The following LPAR1 variants were observed in gnomAD, a reference collection of about 807,000 sequenced individuals.
LPAR1 encodes LPA receptor 1.
LPAR1 carries 5 observed loss-of-function variants against 23.8 expected under a neutral mutation model. The ratio of observed to expected loss-of-function variants is 0.21; its 90% CI spans 0.11 to 0.44. The LOEUF (loss-of-function observed/expected upper bound fraction) is 0.44. Ranked by LOEUF, LPAR1 falls within the 20% of genes least tolerant of loss-of-function variation. The pLI is 0.99. For missense variants in LPAR1, 311 were observed against 482.8 expected (o/e 0.64, Z 3.33); for synonymous variants, 160 against 164.7 (o/e 0.97, Z 0.22).
chr9:110,891,801 A>C (rs1430572174), intron 5 of LPAR1, among the ~76,000 whole-genome samples: 1 of 152,224 alleles, frequency 6.6e-6, no homozygotes, highest in Non-Finnish European at 1.5e-5. Flanking sequence ...GATCAGCTTC[A>C]CTAGTCATCA....
intron 2 of LPAR1, among the ~76,000 whole-genome samples, chr9:111,034,353 T>C (rs1158970149): frequency 6.6e-6 from 1 of 152,012 alleles, no homozygotes; most frequent in African/African-American, 2.4e-5. Flanking sequence ...GCCAGAAGAG[T>C]CATGTTTAAA....
intron 2 of LPAR1, among the ~76,000 whole-genome samples, chr9:110,996,128 T>C (rs1474863983): frequency 6.6e-6 from 1 of 152,156 alleles, no homozygotes; most frequent in South Asian, 2.1e-4. Context: ...GATGCTGTCC[T>C]ACATGTCCAG....
intron 5 of LPAR1, among the ~76,000 whole-genome samples, chr9:110,936,603 C>T (rs893347106): frequency 1.3e-5 from 2 of 152,226 alleles, no homozygotes. Flanking sequence ...GGGCCGCATA[C>T]TGACCCTAGT....
intron 2 of LPAR1, among the ~76,000 whole-genome samples, chr9:110,989,437 T>C (rs2096854059): frequency 6.6e-6 from 1 of 152,138 alleles, no homozygotes; most frequent in Admixed American, 6.5e-5. Flanking sequence ...AAAAAGATAA[T>C]GAAAATAACA....
intron 2 of LPAR1, among the ~76,000 whole-genome samples, chr9:110,988,667 T>C (rs1363431249): frequency 3.9e-5 from 6 of 152,130 alleles, no homozygotes; most frequent in Non-Finnish European, 8.8e-5. Context: ...TGTGGAGAAA[T>C]TGGAACCCTT....
At chr9:110,986,681 G>C (rs7037452) in intron 2 of LPAR1, among the ~76,000 whole-genome samples, 3,044 of 152,178 alleles carry the variant, frequency 0.02, 103 homozygotes, top group African/African-American at 0.069. Context: ...GACCAATGGG[G>C]GTGGAAACAA....
chr9:111,031,454 G>GA (rs1450433420), intron 2 of LPAR1, among the ~76,000 whole-genome samples: 4 of 145,690 alleles, frequency 2.7e-5, no homozygotes, highest in Non-Finnish European at 6.1e-5. Context: ...GAAAGAAAAA[G>GA]AAAAAAAATA....
intron 5 of LPAR1, among the ~76,000 whole-genome samples, chr9:110,908,283 T>C (rs962323030): frequency 1.3e-5 from 2 of 149,620 alleles, no homozygotes; most frequent in African/African-American, 4.9e-5. Flanking sequence ...AATGCTTTTA[T>C]AATTCATTAA....
chr9:110,927,651 T>G lies in LPAR1; in HGVS notation c.793+13770A>C, dbSNP rs544617441. On this transcript the variant is annotated intron_variant, in intron 5 of 5. Transcript: ENST00000683809. The stretch of plus-strand genomic sequence containing the variant: ...ACATATTAGAATAAATTTGATTTGA[T>G]TCAAAAATGAATCAAATCTTTTTTA... Among the ~76,000 whole-genome samples, 4 of 152,260 alleles carry G rather than the reference T, an allele frequency of 2.6e-5. No individual in the cohort carries two copies. The South Asian group carries it at 8.3e-4, about 32-fold the overall frequency.
At chr9:110,912,416 C>T (rs974851910) in intron 5 of LPAR1, among the ~76,000 whole-genome samples, 3 of 152,112 alleles carry the variant, frequency 2.0e-5, no homozygotes, top group African/African-American at 7.2e-5. Context: ...CTCTTATCTT[C>T]TCATGACAGT....
chr9:110,938,930 T>C (rs944835612), intron 5 of LPAR1, among the ~76,000 whole-genome samples: 5 of 152,142 alleles, frequency 3.3e-5, no homozygotes, highest in African/African-American at 1.2e-4. Flanking sequence ...CCATTAGTGC[T>C]GTTCTGTGCT....
chr9:110,979,720 T>G (rs148064513), intron 2 of LPAR1, among the ~76,000 whole-genome samples: 1 of 152,142 alleles, frequency 6.6e-6, no homozygotes, highest in Non-Finnish European at 1.5e-5. Context: ...AGGAAGGCAG[T>G]TGACAACCTA....
At chr9:110,944,708 A>T (rs916766539) in intron 4 of LPAR1, among the ~76,000 whole-genome samples, 2 of 152,348 alleles carry the variant, frequency 1.3e-5, no homozygotes, top group Non-Finnish European at 2.9e-5. Flanking sequence ...ATGTACAAAG[A>T]TGAGTAAAAC....
chr9:110,928,728 C>T (rs1168710218), intron 5 of LPAR1, among the ~76,000 whole-genome samples: 1 of 152,130 alleles, frequency 6.6e-6, no homozygotes, highest in African/African-American at 2.4e-5. Flanking sequence ...TCAGACTGGA[C>T]CAATATACAA....
chr9:110,967,865 G>A (rs1423951295), intron 4 of LPAR1, among the ~76,000 whole-genome samples: 4 of 152,132 alleles, frequency 2.6e-5, no homozygotes, highest in Non-Finnish European at 5.9e-5. Context: ...AGGATCCTGG[G>A]AACCAAGTGA....
intron 5 of LPAR1, among the ~76,000 whole-genome samples, chr9:110,901,459 T>C (rs749408962): frequency 5.3e-5 from 8 of 152,224 alleles, no homozygotes; most frequent in Non-Finnish European, 1.0e-4. Flanking sequence ...TTTAATGGAC[T>C]CACAGTTCCA....
At chr9:111,030,825 C>G (rs2097781242) in intron 2 of LPAR1, among the ~76,000 whole-genome samples, 1 of 152,172 alleles carries the variant, frequency 6.6e-6, no homozygotes, top group South Asian at 2.1e-4. Flanking sequence ...GCAGGCTCTT[C>G]CAGCTTCAAA....
chr9:110,998,319 G>A (rs1564294335), intron 2 of LPAR1, among the ~76,000 whole-genome samples: 1 of 152,148 alleles, frequency 6.6e-6, no homozygotes, highest in Admixed American at 6.6e-5. Context: ...GGCAGAAAAG[G>A]CAAATTTGGA....
intron 2 of LPAR1, among the ~76,000 whole-genome samples, chr9:111,014,320 T>G (rs1464030090): frequency 2.0e-5 from 3 of 152,100 alleles, no homozygotes; most frequent in Non-Finnish European, 2.9e-5. Flanking sequence ...AGAGAAGCCA[T>G]CAGTGCTGCC....
Sources: allele counts gnomAD v4.1 joint callset (sites outside exome capture counted in the v4.1 genomes callset), GRCh38; gene constraint gnomAD v4.1.1; transcripts MANE v1.5; gene names NCBI Gene and HGNC (gene_info 2026-07-23, HGNC 2026-07-21).